TBC1D12: variants seen among roughly 807,000 people sequenced by gnomAD.
The protein encoded by TBC1D12 is TBC1 domain family member 12.
Under a neutral mutation model 86.7 loss-of-function variants are expected in TBC1D12, and 56 were observed. That is an observed-to-expected ratio of 0.65 (90% CI 0.52 to 0.81). The LOEUF is 0.81. Ranked by LOEUF, TBC1D12 falls within the 30% of genes least tolerant of loss-of-function variation. The pLI is 0.00. For synonymous variants in TBC1D12, 421 were observed against 411.7 expected, an observed-to-expected ratio of 1.02 and a Z score of -0.27; for missense variants, 1,023 against 1,038.8, an observed-to-expected ratio of 0.98 and a Z score of 0.21.
intron 1 of TBC1D12, among the ~76,000 whole-genome samples, chr10:94,425,863 A>G (rs1206522482): frequency 6.6e-6 from 1 of 152,060 alleles, no homozygotes; most frequent in Non-Finnish European, 1.5e-5. Flanking sequence ...ATGTTTTGAC[A>G]TTTTCAGCAT....
At chr10:94,407,330 G>A (rs2054868214) in intron 1 of TBC1D12, among the ~76,000 whole-genome samples, 1 of 152,140 alleles carries the variant, frequency 6.6e-6, no homozygotes, top group Non-Finnish European at 1.5e-5. Flanking sequence ...TGGTGACTTG[G>A]CTGTCAGAGC....
At chr10:94,417,868 G>A (rs1282480466) in intron 1 of TBC1D12, among the ~76,000 whole-genome samples, 2 of 121,260 alleles carry the variant, frequency 1.6e-5, no homozygotes, top group Non-Finnish European at 3.6e-5. Flanking sequence ...CCTGCCTCAC[G>A]CCTCCCGAGT....
At chr10:94,477,345 G>A (rs1389990648) in intron 3 of TBC1D12, among the ~76,000 whole-genome samples, 1 of 152,194 alleles carries the variant, frequency 6.6e-6, no homozygotes, top group African/African-American at 2.4e-5. Flanking sequence ...AACCAACAAA[G>A]TGTCTTCATG....
rs560523216 is a variant in TBC1D12 at position 94,455,882 on chromosome 10, C to T, written c.1095+13863C>T. Among the ~76,000 whole-genome samples the T allele has an allele frequency of 6.6e-5, 10 of 151,984 alleles. No homozygotes were observed. In the South Asian group the frequency reaches 1.2e-3, roughly 19 times the overall value. ...CTGAGGCAGGAGACTCGCTTGAACTCGGGAAGCAGAGGTTCCAGTGAGCCA... is the reference window on the plus strand; with the variant it reads ...CTGAGGCAGGAGACTCGCTTGAACTTGGGAAGCAGAGGTTCCAGTGAGCCA... On this transcript the variant is annotated intron_variant, in intron 2 of 12. Transcript: ENST00000225235.
At chr10:94,418,555 C>CTATTATTATTATTATTAT (rs147676016) in intron 1 of TBC1D12, among the ~76,000 whole-genome samples, 10 of 149,602 alleles carry the variant, frequency 6.7e-5, no homozygotes, top group African/African-American at 2.0e-4. Flanking sequence ...ATACTTTGGT[C>CTATTATTATTATTATTAT]TATTATTATT....
chr10:94,410,447 C>T (rs984396604), intron 1 of TBC1D12, among the ~76,000 whole-genome samples: 4 of 151,962 alleles, frequency 2.6e-5, no homozygotes, highest in Non-Finnish European at 5.9e-5. Flanking sequence ...CACCATGTTG[C>T]CCAGGCTGGT....
intron 11 of TBC1D12, among the ~76,000 whole-genome samples, chr10:94,527,898 C>A (rs183914878): frequency 3.2e-4 from 49 of 152,158 alleles, no homozygotes; most frequent in Non-Finnish European, 5.1e-4. Flanking sequence ...TGTGGATTAA[C>A]TTCTGGGTTC....
At chr10:94,473,392 A>T (rs554667174) in intron 2 of TBC1D12, among the ~76,000 whole-genome samples, 1 of 151,826 alleles carries the variant, frequency 6.6e-6, no homozygotes, top group Non-Finnish European at 1.5e-5. Flanking sequence ...GAAAAAAAAA[A>T]GATTATCAAA....
intron 3 of TBC1D12, among the ~76,000 whole-genome samples, chr10:94,492,940 C>A (rs1398442205): frequency 6.6e-6 from 1 of 152,182 alleles, no homozygotes; most frequent in East Asian, 1.9e-4. Flanking sequence ...GTGAGTTTAA[C>A]AAATAACCTA....
At chr10:94,405,835 A>T (rs1412881429) in intron 1 of TBC1D12, among the ~76,000 whole-genome samples, 1 of 146,000 alleles carries the variant, frequency 6.8e-6, no homozygotes, top group Admixed American at 6.9e-5. Context: ...TTTGAGATGG[A>T]GTTTCCCTCT....
Position 94,532,519 on chromosome 10 carries a change from G to A in TBC1D12, c.2260-509G>A, listed in dbSNP as rs187336225. 7.9e-3 allele frequency among the ~76,000 whole-genome samples: 1,197 copies of A among 152,288 alleles called. 13 individuals are homozygous for A. Among genetic ancestry groups the A allele is most frequent in the Non-Finnish European group, 0.01 (693 of 68,030 alleles). On this transcript the variant is annotated intron_variant, in intron 12 of 12. Coordinates refer to ENST00000225235, the MANE Select transcript of TBC1D12 (RefSeq NM_015188.2). ...AGTCCAGTATTATCAATTTAGTGAA[G>A]TACAACCCACAGTAGTCATTTATTT...
chr10:94,529,042 C>T (rs1842364056), intron 11 of TBC1D12, among the ~76,000 whole-genome samples: 1 of 151,766 alleles, frequency 6.6e-6, no homozygotes, highest in Admixed American at 6.6e-5. Context: ...GACAGGCTCC[C>T]ACTCTGTCAC....
At chr10:94,488,156 CAGGTGAATCACTTG>C (rs2056195668) in intron 3 of TBC1D12, among the ~76,000 whole-genome samples, 1 of 151,940 alleles carries the variant, frequency 6.6e-6, no homozygotes, top group African/African-American at 2.4e-5. Context: ...AAGGCTGAGG[CAGGTGAATCACTTG>C]AGGTCAGGAG....
intron 2 of TBC1D12, among the ~76,000 whole-genome samples, chr10:94,465,887 TATAC>T (rs1176447476): frequency 2.6e-5 from 4 of 151,120 alleles, no homozygotes; most frequent in East Asian, 2.0e-4. Context: ...CATGTATGTA[TATAC>T]ATACATACGC....
Position 94,522,464 on chromosome 10 carries a change from AC to A in TBC1D12, c.2000+12del. 9.6e-7 allele frequency: 1 copy of A among 1,040,760 alleles called. No individual in the cohort carries two copies. The highest frequency in any genetic ancestry group is 1.4e-6 in the Non-Finnish European group (1 of 717,032). 64.5% of individuals were successfully genotyped at this position (1,040,760 alleles called of 1,614,324 possible). A position where few individuals can be genotyped will look rare whatever the true frequency, so the allele number is the denominator to read the frequency against. On this transcript the variant is annotated intron_variant, in intron 11 of 12. Coordinates refer to ENST00000225235, the MANE Select transcript of TBC1D12 (RefSeq NM_015188.2). ...ATACTTGATAGACTGGTAAGTCATAACATACGTAATATATAATAATGAAAAG... is the reference window on the plus strand; with the variant it reads ...ATACTTGATAGACTGGTAAGTCATAAATACGTAATATATAATAATGAAAAG...
intron 7 of TBC1D12, 136 bp downstream of exon 7, chr10:94,507,483 A>C: frequency 2.5e-6 from 2 of 810,188 alleles, no homozygotes; most frequent in Non-Finnish European, 3.7e-6. Flanking sequence ...GCTAGAAAAA[A>C]GACTTGATTT....
intron 1 of TBC1D12, among the ~76,000 whole-genome samples, chr10:94,428,555 G>A (rs770597904): frequency 6.6e-6 from 1 of 151,944 alleles, no homozygotes; most frequent in Non-Finnish European, 1.5e-5. Flanking sequence ...GCCTCCCAAA[G>A]TGCTGGAATT....
chr10:94,434,953 CA>C (rs1386813769), intron 1 of TBC1D12, among the ~76,000 whole-genome samples: 1 of 152,196 alleles, frequency 6.6e-6, no homozygotes, highest in Non-Finnish European at 1.5e-5. Context: ...AAGTTTCCAA[CA>C]GATGAATTTT....
chr10:94,408,900 A>C (rs1327239560), intron 1 of TBC1D12, among the ~76,000 whole-genome samples: 1 of 152,248 alleles, frequency 6.6e-6, no homozygotes, highest in East Asian at 1.9e-4. Flanking sequence ...TGAAGGAAGA[A>C]TCTATTGAAT....
Sources: allele counts gnomAD v4.1 joint callset (sites outside exome capture counted in the v4.1 genomes callset), GRCh38; gene constraint gnomAD v4.1.1; transcripts MANE v1.5; gene names NCBI Gene and HGNC (gene_info 2026-07-23, HGNC 2026-07-21).